Variants in CUX1 observed in about 807,000 individuals in gnomAD.
CUX1 encodes the protein protein CASP.
In CUX1, 31 loss-of-function variants were observed where a neutral mutation model predicts 158.8. The ratio of observed to expected loss-of-function variants is 0.20; its 90% CI spans 0.15 to 0.26. The LOEUF (loss-of-function observed/expected upper bound fraction) is 0.26. CUX1 is among the 10% of genes least tolerant of loss of function. CUX1 has a pLI of 1.00. For synonymous variants in CUX1, 879 were observed against 862.1 expected (o/e 1.02, Z -0.34); for missense variants, 1,589 against 2,014.6 (o/e 0.79, Z 4.04).
chr7:102,173,322 A>G (rs1483664944), intron 10 of CUX1, among the ~76,000 whole-genome samples: 1 of 152,216 alleles, frequency 6.6e-6, no homozygotes, highest in Non-Finnish European at 1.5e-5. Context: ...GTGCCATTGC[A>G]TTCCAGCCTG....
At chr7:101,821,525 A>G (rs1438759682) in intron 1 of CUX1, among the ~76,000 whole-genome samples, 1 of 146,372 alleles carries the variant, frequency 6.8e-6, no homozygotes, top group Non-Finnish European at 1.5e-5. Flanking sequence ...TTTTTAGTAG[A>G]GACGGGGTTT....
intron 4 of CUX1, among the ~76,000 whole-genome samples, chr7:102,072,194 G>A (rs1021859106): frequency 6.6e-6 from 1 of 152,222 alleles, no homozygotes; most frequent in African/African-American, 2.4e-5. Flanking sequence ...GTGAGAGTGG[G>A]CTGAGCAGCC....
At chr7:101,992,144 A>G (rs1175019109) in intron 2 of CUX1, among the ~76,000 whole-genome samples, 4 of 152,294 alleles carry the variant, frequency 2.6e-5, no homozygotes, top group African/African-American at 9.6e-5. Flanking sequence ...ACAGAAAGTC[A>G]GGGTAGAAAG....
intron 3 of CUX1, among the ~76,000 whole-genome samples, chr7:102,032,037 C>T (rs1215235062): frequency 6.6e-6 from 1 of 151,728 alleles, no homozygotes; most frequent in Admixed American, 6.6e-5. Context: ...GCGATTTGCC[C>T]ACCTCAGCCT....
chr7:102,204,941 C>A (rs1795796746), intron 19 of CUX1, among the ~76,000 whole-genome samples, 173 bp from the exon 20 acceptor site: 1 of 152,222 alleles, frequency 6.6e-6, no homozygotes, highest in African/African-American at 2.4e-5. Flanking sequence ...TCACCTGCTC[C>A]CGGCCCGGGG....
intron 8 of CUX1, among the ~76,000 whole-genome samples, chr7:102,135,571 TTGTG>T (rs111724094): frequency 2.7e-5 from 4 of 149,238 alleles, no homozygotes; most frequent in Non-Finnish European, 6.0e-5. Flanking sequence ...GTGTGTGTGT[TTGTG>T]TGTGTGTGTG....
intron 4 of CUX1, among the ~76,000 whole-genome samples, chr7:102,096,843 T>G (rs1829247657): frequency 6.6e-6 from 1 of 152,318 alleles, no homozygotes; most frequent in Admixed American, 6.5e-5. Context: ...GAGGCCTCTT[T>G]CTCGAGATTG....
chr7:101,872,115 A>G (rs1798628325), intron 1 of CUX1, among the ~76,000 whole-genome samples: 1 of 151,966 alleles, frequency 6.6e-6, no homozygotes, highest in Admixed American at 6.6e-5. Context: ...TCTAGCAGAC[A>G]TAGAAGGATA....
chr7:102,145,473 G>T (rs922489378), intron 8 of CUX1, among the ~76,000 whole-genome samples: 1 of 151,688 alleles, frequency 6.6e-6, no homozygotes, highest in East Asian at 1.9e-4. Context: ...AGAAGAGAAA[G>T]GTCCTGACTT....
chr7:102,152,004 C>T (rs1554503731), intron 8 of CUX1, among the ~76,000 whole-genome samples: 1 of 151,892 alleles, frequency 6.6e-6, no homozygotes, highest in Non-Finnish European at 1.5e-5. Context: ...GCCATGAGTT[C>T]AAGACCAGCC....
chr7:101,993,158 C>T lies in CUX1; in HGVS notation c.142-34940C>T, dbSNP rs188937046. 3.3e-5 allele frequency among the ~76,000 whole-genome samples: 5 copies of T among 151,888 alleles called. No individual in the cohort carries two copies. In the East Asian group the frequency reaches 9.7e-4, roughly 29 times the overall value. ...CAGCCTGACCAACATGGCAAAACCC[C>T]GTCTCTACTAAAAAATACAAAAGTT... On this transcript the variant is annotated intron_variant, in intron 2 of 23. Coordinates refer to ENST00000292535, the MANE Select transcript of CUX1 (RefSeq NM_181552.4).
intron 2 of CUX1, among the ~76,000 whole-genome samples, chr7:102,003,440 T>G (rs1045890020): frequency 6.6e-6 from 1 of 152,066 alleles, no homozygotes; most frequent in Non-Finnish European, 1.5e-5. Context: ...GCTCAGAAGG[T>G]GACCAGAGCA....
intron 4 of CUX1, among the ~76,000 whole-genome samples, chr7:102,076,120 C>T (rs895665624): frequency 3.3e-5 from 5 of 152,100 alleles, no homozygotes; most frequent in African/African-American, 1.2e-4. Context: ...TGGTGGTTCA[C>T]GCCTGTAACC....
In CUX1 at chr7:102,226,925, G is replaced by A. The variant is rs574557881; in HGVS notation, c.3131-442G>A. On this transcript the variant is annotated intron_variant, in intron 20 of 23. Coordinates refer to ENST00000292535, the MANE Select transcript of CUX1 (RefSeq NM_181552.4). ...GGGTCTTCCTAACTGTGGTGACTAC[G>A]TATTGTGGGCAGCCCTCATTTAAAA... Among the ~76,000 whole-genome samples the A allele has an allele frequency of 3.9e-5, 6 of 152,258 alleles. 1 individual carries two copies. In the South Asian group the frequency reaches 1.0e-3, roughly 26 times the overall value.
intron 11 of CUX1, among the ~76,000 whole-genome samples, chr7:102,185,747 G>A (rs1793557674): frequency 6.6e-6 from 1 of 152,152 alleles, no homozygotes; most frequent in East Asian, 1.9e-4. Flanking sequence ...GTGGAGCCAG[G>A]ATCTGTCGGA....
chr7:101,845,804 T>C (rs1168888790), intron 1 of CUX1, among the ~76,000 whole-genome samples: 1 of 151,752 alleles, frequency 6.6e-6, no homozygotes, highest in Non-Finnish European at 1.5e-5. Context: ...ACCACTTGAG[T>C]TCAAGACCAG....
At chr7:102,171,302 G>A (rs1296398289) in intron 10 of CUX1, among the ~76,000 whole-genome samples, 2 of 152,160 alleles carry the variant, frequency 1.3e-5, no homozygotes, top group Non-Finnish European at 2.9e-5. Context: ...TTCCCCGCCT[G>A]TAAACTGGGG....
rs371257127 is a variant in CUX1, at chr7:102,118,555, A to C, written c.674+3282A>C. ...CTGTCTAAAAAAAAAGGGATTCTTA[A>C]ATATTTGTTGACGGGAATTGGAGAG... is the stretch of plus-strand genomic sequence containing the variant. On this transcript the variant is annotated intron_variant, in intron 8 of 23. Transcript: ENST00000292535. 1.2e-3 allele frequency among the ~76,000 whole-genome samples: 183 copies of C among 152,216 alleles called. 1 individual carries two copies. The highest frequency in any genetic ancestry group is 4.2e-3 in the African/African-American group (176 of 41,526).
At chr7:102,029,720 C>T (rs1220772559) in intron 3 of CUX1, among the ~76,000 whole-genome samples, 1 of 152,130 alleles carries the variant, frequency 6.6e-6, no homozygotes, top group Non-Finnish European at 1.5e-5. Context: ...TAGCTTGGTC[C>T]GGCCAGCAGG....
Sources: gnomAD v4.1 joint callset for allele counts (sites outside exome capture counted in the v4.1 genomes callset) on GRCh38, gnomAD v4.1.1 for gene constraint, MANE v1.5 for transcripts, NCBI Gene and HGNC (gene_info 2026-07-23, HGNC 2026-07-21) for gene names.